Variants in CNTNAP2 observed in about 807,000 individuals in gnomAD.
The protein encoded by CNTNAP2 is contactin associated protein 2.
In CNTNAP2, 98 loss-of-function variants were observed where a neutral mutation model predicts 155.2. That is an observed-to-expected ratio of 0.63 (90% CI 0.54 to 0.75). CNTNAP2 has a LOEUF of 0.75. Ranked by LOEUF, CNTNAP2 falls within the 30% of genes least tolerant of loss-of-function variation. The pLI, the probability that CNTNAP2 is intolerant of heterozygous loss-of-function variation, is 0.00. For synonymous variants in CNTNAP2, 651 were observed against 631.2 expected (o/e 1.03, Z -0.47); for missense variants, 1,727 against 1,688.1 (o/e 1.02, Z -0.40).
At position 148,418,857 on chromosome 7, in the gene CNTNAP2, C is replaced by T. The variant is rs1227469389; in HGVS notation, c.*3241C>T. 6.6e-6 allele frequency: 1 copy of T among 152,216 alleles called. No homozygotes were observed. 9.4% of individuals were successfully genotyped at this position (152,216 alleles called of 1,614,324 possible). ...TTGACAAACAAGCATCCTTTACTAA[C>T]AAGAGCAGGAATTCAGAGGCACAAG... is the stretch of plus-strand genomic sequence containing the variant. On this transcript the variant is annotated 3_prime_UTR_variant, in exon 24 of 24. Coordinates refer to ENST00000361727, the MANE Select transcript of CNTNAP2 (RefSeq NM_014141.6).
chr7:147,984,043 G>A (rs971149141), intron 15 of CNTNAP2, among the ~76,000 whole-genome samples: 3 of 152,204 alleles, frequency 2.0e-5, no homozygotes, highest in Non-Finnish European at 4.4e-5. Flanking sequence ...ATGTTTGGGT[G>A]TGAAATCTTT....
intron 10 of CNTNAP2, among the ~76,000 whole-genome samples, chr7:147,459,554 A>T (rs1178429172): frequency 6.6e-6 from 1 of 152,182 alleles, no homozygotes; most frequent in Non-Finnish European, 1.5e-5. Flanking sequence ...CAGTAAGGTT[A>T]GAAATGAAGA....
chr7:146,208,016 G>T (rs1259649151), intron 1 of CNTNAP2, among the ~76,000 whole-genome samples: 1 of 151,882 alleles, frequency 6.6e-6, no homozygotes, highest in African/African-American at 2.4e-5. Context: ...GAAACAAAAA[G>T]CTGTTGTAAT....
chr7:147,991,580 G>C (rs1585066071), intron 15 of CNTNAP2, among the ~76,000 whole-genome samples: 1 of 150,652 alleles, frequency 6.6e-6, no homozygotes, highest in Non-Finnish European at 1.5e-5. Flanking sequence ...TTAAATTAAG[G>C]ATTAAAAAAA....
chr7:146,647,278 A>G (rs1585023419), intron 1 of CNTNAP2, among the ~76,000 whole-genome samples: 1 of 152,096 alleles, frequency 6.6e-6, no homozygotes, highest in African/African-American at 2.4e-5. Context: ...TCCTCACCCC[A>G]TTTCCTTTAA....
chr7:147,081,452 C>G (rs1212508030), intron 4 of CNTNAP2: 6 of 146,846 alleles, frequency 4.1e-5, no homozygotes, highest in Non-Finnish European at 6.0e-5. Context: ...GAGTCTCACT[C>G]TGTCGCCAGG....
At chr7:146,941,716 G>T (rs1409365951) in intron 3 of CNTNAP2, among the ~76,000 whole-genome samples, 1 of 151,878 alleles carries the variant, frequency 6.6e-6, no homozygotes, top group Non-Finnish European at 1.5e-5. Flanking sequence ...GTCTAGAAAA[G>T]TCTTTGTCTC....
intron 1 of CNTNAP2, among the ~76,000 whole-genome samples, chr7:146,362,694 G>T (rs1052110351): frequency 1.3e-4 from 19 of 151,788 alleles, no homozygotes; most frequent in African/African-American, 4.6e-4. Context: ...GTGGAGGAAG[G>T]GTTTTAGGTA....
rs398048323 is a variant in CNTNAP2, at chr7:146,235,977, T to C, written c.97+119004T>C. ...ATGTGTGTGTGTGTGTGTGTGTGTG[T>C]GTGCGCGCGTATTTGTAAAATGCCA... On this transcript the variant is annotated intron_variant, in intron 1 of 23. Transcript: ENST00000361727. Among the ~76,000 whole-genome samples, 122 of 148,524 alleles carry C rather than the reference T, an allele frequency of 8.2e-4. 1 individual carries two copies. Among genetic ancestry groups the C allele is most frequent in the East Asian group, 6.1e-3 (31 of 5,094 alleles).
intron 14 of CNTNAP2, among the ~76,000 whole-genome samples, chr7:147,944,615 A>G (rs747755058): frequency 6.6e-6 from 1 of 152,246 alleles, no homozygotes; most frequent in Admixed American, 6.5e-5. Flanking sequence ...ACTGTTATAC[A>G]TAATGGGGAA....
intron 8 of CNTNAP2, among the ~76,000 whole-genome samples, chr7:147,158,403 T>A (rs1584762352): frequency 6.6e-6 from 1 of 152,104 alleles, no homozygotes; most frequent in Non-Finnish European, 1.5e-5. Flanking sequence ...CTATTTATGA[T>A]AATAGTTCTT....
intron 1 of CNTNAP2, among the ~76,000 whole-genome samples, chr7:146,229,951 G>A (rs965466880): frequency 6.6e-6 from 1 of 152,148 alleles, no homozygotes; most frequent in Non-Finnish European, 1.5e-5. Context: ...CAAACAAAAA[G>A]TGTCTCTGAT....
At chr7:147,804,745 C>T (rs151176803) in intron 13 of CNTNAP2, among the ~76,000 whole-genome samples, 2,154 of 151,766 alleles carry the variant, frequency 0.014, 57 homozygotes, top group African/African-American at 0.048. Flanking sequence ...GTAGAGATGG[C>T]GTTTCACCAT....
chr7:146,844,197 G>A (rs897634064), intron 3 of CNTNAP2, among the ~76,000 whole-genome samples: 1 of 152,058 alleles, frequency 6.6e-6, no homozygotes, highest in Admixed American at 6.6e-5. Context: ...TTAGAGTCAT[G>A]AATCTTGCAT....
At position 146,116,966 on chromosome 7, in the gene CNTNAP2, C is replaced by T. The variant is rs572889297; in HGVS notation, c.90C>T (p.Ser30=). ...TCTGCAGAGCCTGGACGGCTCCCTC[C>T]ACGTCCCGTAAGTAGCCGTCTCCTC... The part of the protein sequence containing the change: ...SCLCRAWTAP[S]TSQKCDEPLV... The change falls in exon 1 of 24, where the codon TCC becomes TCT. Residue 30 remains serine (S), a synonymous_variant. Transcript: ENST00000361727. This position sits in a 1 kb window ranked among gnomAD's most constrained non-coding sequence, Gnocchi z 5.5. 4.5e-6 allele frequency: 7 copies of T among 1,551,470 alleles called. No homozygotes were observed. In the South Asian group the frequency reaches 4.8e-5, roughly 11 times the overall value.
At chr7:147,489,281 T>C (rs2116644973) in intron 11 of CNTNAP2, among the ~76,000 whole-genome samples, 1 of 152,326 alleles carries the variant, frequency 6.6e-6, no homozygotes, top group East Asian at 1.9e-4. Flanking sequence ...GGAGCCAGGA[T>C]GTCTCCCTTT....
intron 3 of CNTNAP2, among the ~76,000 whole-genome samples, chr7:147,033,766 A>G (rs911813142): frequency 2.6e-5 from 4 of 151,876 alleles, no homozygotes; most frequent in African/African-American, 7.3e-5. Context: ...AATCAAAAAC[A>G]TAATGAAGTA....
At chr7:146,321,779 T>A (rs1467436551) in intron 1 of CNTNAP2, among the ~76,000 whole-genome samples, 1 of 152,122 alleles carries the variant, frequency 6.6e-6, no homozygotes, top group African/African-American at 2.4e-5. Flanking sequence ...GCTTAAAATC[T>A]CAAGAAGGAA....
chr7:146,184,362 G>GT (rs1798593258), intron 1 of CNTNAP2, among the ~76,000 whole-genome samples: 1 of 152,146 alleles, frequency 6.6e-6, no homozygotes. Context: ...CCATGAGATA[G>GT]TGTGGAACAT....
Sources: allele counts gnomAD v4.1 joint callset (sites outside exome capture counted in the v4.1 genomes callset), GRCh38; gene constraint gnomAD v4.1.1; non-coding constraint Gnocchi (gnomAD v3.1); transcripts MANE v1.5; gene names NCBI Gene and HGNC (gene_info 2026-07-23, HGNC 2026-07-21).